The following HS3ST4 variants were observed in gnomAD, a reference collection of about 807,000 sequenced individuals.
The protein encoded by HS3ST4 is heparan sulfate glucosamine 3-O-sulfotransferase 4.
Under a neutral mutation model 29.2 loss-of-function variants are expected in HS3ST4, and 17 were observed. The ratio of observed to expected loss-of-function variants is 0.58; its 90% CI spans 0.40 to 0.87. The LOEUF (loss-of-function observed/expected upper bound fraction) is 0.87, where lower values mean the gene tolerates loss of function less well. HS3ST4 is among the 40% of genes least tolerant of loss of function. The pLI is 0.00. For missense variants in HS3ST4, 627 were observed against 634.5 expected (o/e 0.99, Z 0.13); for synonymous variants, 314 against 285.7 (o/e 1.10, Z -1.00).
chr16:25,779,712 T>C (rs1465202117), intron 1 of HS3ST4, among the ~76,000 whole-genome samples: 1 of 152,258 alleles, frequency 6.6e-6, no homozygotes, highest in Non-Finnish European at 1.5e-5. Flanking sequence ...TCTTCAGAGA[T>C]GAATACAAAT....
chr16:26,014,558 G>C (rs937550557), intron 1 of HS3ST4, among the ~76,000 whole-genome samples: 1 of 152,094 alleles, frequency 6.6e-6, no homozygotes. Context: ...TGTGTATTCA[G>C]TGTTTCACTC....
At chr16:26,012,748 C>G (rs145282005) in intron 1 of HS3ST4, among the ~76,000 whole-genome samples, 1 of 152,224 alleles carries the variant, frequency 6.6e-6, no homozygotes, top group East Asian at 1.9e-4. Context: ...AGGAACTTGG[C>G]AGGTGTTTGA....
chr16:25,981,559 A>ACCT (rs1186595209), intron 1 of HS3ST4, among the ~76,000 whole-genome samples: 2 of 149,846 alleles, frequency 1.3e-5, no homozygotes, highest in African/African-American at 4.9e-5. Flanking sequence ...TATTAATCAC[A>ACCT]CCTGGAACAG....
chr16:25,722,378 T>C (rs1472301501), intron 1 of HS3ST4, among the ~76,000 whole-genome samples: 1 of 152,236 alleles, frequency 6.6e-6, no homozygotes, highest in East Asian at 1.9e-4. Context: ...ACGTATCATT[T>C]TACTAACACC....
chr16:25,855,553 C>T (rs144033109), intron 1 of HS3ST4, among the ~76,000 whole-genome samples: 17 of 152,222 alleles, frequency 1.1e-4, no homozygotes, highest in African/African-American at 4.1e-4. Flanking sequence ...AATTTGGTAT[C>T]TTATTGGCAA....
In HS3ST4 at chr16:25,929,180, G is replaced by A. The variant is rs561442402; in HGVS notation, c.735-206432G>A. On this transcript the variant is annotated intron_variant, in intron 1 of 1. Coordinates refer to ENST00000331351, the MANE Select transcript of HS3ST4 (RefSeq NM_006040.3). ...GGGTGGATCATGTGGTCAAGAGATC[G>A]AGACCATCCTGGCCAATATGGTAAA... 3.9e-5 allele frequency among the ~76,000 whole-genome samples: 6 copies of A among 152,092 alleles called. No individual in the cohort carries two copies. In the South Asian group the frequency reaches 6.2e-4, roughly 16 times the overall value.
At chr16:25,698,319 T>G (rs1966313068) in intron 1 of HS3ST4, among the ~76,000 whole-genome samples, 1 of 152,108 alleles carries the variant, frequency 6.6e-6, no homozygotes, top group African/African-American at 2.4e-5. Context: ...CCCTCCCATG[T>G]GAAGATCTGG....
chr16:26,070,198 C>T (rs1024330288), intron 1 of HS3ST4, among the ~76,000 whole-genome samples: 4 of 152,176 alleles, frequency 2.6e-5, no homozygotes, highest in African/African-American at 9.7e-5. Flanking sequence ...TCCTATTTCT[C>T]CACATCCTCT....
At chr16:26,090,036 T>A (rs757975960) in intron 1 of HS3ST4, among the ~76,000 whole-genome samples, 1 of 152,190 alleles carries the variant, frequency 6.6e-6, no homozygotes, top group Non-Finnish European at 1.5e-5. Context: ...ATAATTTTCT[T>A]AATAGGGCTT....
At chr16:25,824,370 C>G (rs1408454977) in intron 1 of HS3ST4, among the ~76,000 whole-genome samples, 1 of 152,158 alleles carries the variant, frequency 6.6e-6, no homozygotes, top group East Asian at 1.9e-4. Context: ...AAAGACATAC[C>G]CGAGACTGGG....
chr16:25,854,789 CA>C (rs34307442), intron 1 of HS3ST4, among the ~76,000 whole-genome samples: 70 of 138,138 alleles, frequency 5.1e-4, no homozygotes, highest in South Asian at 1.7e-3. Context: ...TGTTTGTTGA[CA>C]AAAAAAAAAA....
intron 1 of HS3ST4, among the ~76,000 whole-genome samples, chr16:25,780,234 T>A (rs1377506189): frequency 6.6e-6 from 1 of 152,126 alleles, no homozygotes; most frequent in East Asian, 1.9e-4. Context: ...TTATTTTAGG[T>A]CAGGCCAAGC....
chr16:25,874,008 C>T (rs1402150104), intron 1 of HS3ST4, among the ~76,000 whole-genome samples: 1 of 136,286 alleles, frequency 7.3e-6, no homozygotes, highest in South Asian at 2.1e-4. Context: ...TGAATTATAC[C>T]CTTATCAAAC....
rs541060331 is a variant in HS3ST4 at position 25,871,170 on chromosome 16, A to C, written c.734+178019A>C. Reference sequence around the variant, plus strand: ...TGTGAAGGAAAAAGGCAGCGGGGTGATGGAGGTGGCAGGGACAGTCTTCAA... The same window carrying C: ...TGTGAAGGAAAAAGGCAGCGGGGTGCTGGAGGTGGCAGGGACAGTCTTCAA... On this transcript the variant is annotated intron_variant, in intron 1 of 1. Transcript: ENST00000331351. 3.3e-5 allele frequency among the ~76,000 whole-genome samples: 5 copies of C among 152,302 alleles called. No homozygotes were observed. In the South Asian group the frequency reaches 1.0e-3, roughly 32 times the overall value.
At chr16:25,859,417 A>G (rs955062103) in intron 1 of HS3ST4, among the ~76,000 whole-genome samples, 6 of 152,196 alleles carry the variant, frequency 3.9e-5, no homozygotes, top group South Asian at 4.1e-4. Flanking sequence ...AATTCACCTA[A>G]TAAGTGCAGG....
intron 1 of HS3ST4, among the ~76,000 whole-genome samples, chr16:26,116,545 G>A (rs1489477296): frequency 6.6e-6 from 1 of 151,614 alleles, no homozygotes; most frequent in East Asian, 1.9e-4. Context: ...TTTTAATCAA[G>A]TAAGAAAAAT....
At chr16:25,706,463 T>C (rs1384784141) in intron 1 of HS3ST4, among the ~76,000 whole-genome samples, 2 of 152,170 alleles carry the variant, frequency 1.3e-5, no homozygotes, top group African/African-American at 4.8e-5. Context: ...TTGCTGCACC[T>C]ATCAACCCGT....
chr16:25,859,358 A>G (rs1203196608), intron 1 of HS3ST4, among the ~76,000 whole-genome samples: 3 of 152,232 alleles, frequency 2.0e-5, no homozygotes. Flanking sequence ...TTACTATAGC[A>G]TCATGCCATC....
At chr16:26,084,136 G>C (rs1898756927) in intron 1 of HS3ST4, among the ~76,000 whole-genome samples, 1 of 152,130 alleles carries the variant, frequency 6.6e-6, no homozygotes, top group Non-Finnish European at 1.5e-5. Context: ...TCCTGGCCAG[G>C]TCCCCATGGG....
Sources: gnomAD v4.1 joint callset for allele counts (sites outside exome capture counted in the v4.1 genomes callset) on GRCh38, gnomAD v4.1.1 for gene constraint, MANE v1.5 for transcripts, NCBI Gene and HGNC (gene_info 2026-07-23, HGNC 2026-07-21) for gene names.